KCNH5: variants seen among roughly 807,000 people sequenced by gnomAD.
The protein encoded by KCNH5 is potassium voltage-gated channel subfamily H member 5, also known as voltage-gated delayed rectifier potassium channel KCNH5.
In KCNH5, 46 loss-of-function variants were observed where a neutral mutation model predicts 96.1. The observed-to-expected ratio is 0.48, with a 90% confidence interval of 0.38 to 0.61. The LOEUF is 0.61. KCNH5 is among the 20% of genes least tolerant of loss of function. KCNH5 has a pLI of 0.00. For missense variants in KCNH5, 907 were observed against 1,225.8 expected (o/e 0.74, Z 3.88); for synonymous variants, 439 against 449.8 (o/e 0.98, Z 0.30).
intron 1 of KCNH5, among the ~76,000 whole-genome samples, chr14:63,027,369 A>T (rs972376857): frequency 6.6e-6 from 1 of 151,886 alleles, no homozygotes; most frequent in African/African-American, 2.4e-5. Flanking sequence ...AAAAGTGACA[A>T]GTGAGGTAAT....
At chr14:62,978,656 A>C (rs889897953) in intron 6 of KCNH5, among the ~76,000 whole-genome samples, 3 of 151,720 alleles carry the variant, frequency 2.0e-5, no homozygotes, top group African/African-American at 7.2e-5. Flanking sequence ...AATATGAGCT[A>C]AGTTGAGAGA....
intron 10 of KCNH5, among the ~76,000 whole-genome samples, chr14:62,727,301 G>A (rs1184725315): frequency 6.6e-6 from 1 of 152,066 alleles, no homozygotes; most frequent in Non-Finnish European, 1.5e-5. Context: ...GGACGTGGGG[G>A]TGACAGTGAG....
intron 4 of KCNH5, among the ~76,000 whole-genome samples, chr14:62,999,525 A>G (rs1342034610): frequency 6.6e-6 from 1 of 152,010 alleles, no homozygotes; most frequent in Non-Finnish European, 1.5e-5. Context: ...ATGGAATACT[A>G]TGCAGCCATA....
At chr14:62,961,230 T>C (rs1206335511) in intron 6 of KCNH5, among the ~76,000 whole-genome samples, 5 of 152,146 alleles carry the variant, frequency 3.3e-5, no homozygotes, top group African/African-American at 1.2e-4. Flanking sequence ...GCCTACCTCT[T>C]CAGACTCACC....
At chr14:62,958,755 T>G (rs1300471522) in intron 6 of KCNH5, among the ~76,000 whole-genome samples, 1 of 152,152 alleles carries the variant, frequency 6.6e-6, no homozygotes, top group Non-Finnish European at 1.5e-5. Context: ...TCTTCACAAC[T>G]GTATTATGAA....
chr14:62,895,479 C>T (rs752474974), intron 7 of KCNH5, among the ~76,000 whole-genome samples: 6 of 151,936 alleles, frequency 3.9e-5, no homozygotes, highest in African/African-American at 7.3e-5. Flanking sequence ...TACAGGTATG[C>T]GCCACCACAC....
intron 7 of KCNH5, among the ~76,000 whole-genome samples, chr14:62,875,606 A>G (rs1053368898): frequency 6.6e-6 from 1 of 152,244 alleles, no homozygotes; most frequent in African/African-American, 2.4e-5. Context: ...AATATAAATT[A>G]GTTCAACCAT....
intron 7 of KCNH5, among the ~76,000 whole-genome samples, chr14:62,935,505 A>C (rs1187036229): frequency 6.6e-6 from 1 of 152,220 alleles, no homozygotes; most frequent in African/African-American, 2.4e-5. Context: ...TCATGGCAGT[A>C]AACGAGGGAA....
At position 62,791,785 on chromosome 14, in the gene KCNH5, T is replaced by C. The variant is rs1258715826; in HGVS notation, c.1822+10544A>G. ...TCAAAATATATAAAGCAAGTGTTAA[T>C]GGACTTGATGGAAAAAATGCATAGA... On this transcript the variant is annotated intron_variant, in intron 9 of 10. Transcript: ENST00000322893. 4.6e-5 allele frequency among the ~76,000 whole-genome samples: 7 copies of C among 151,760 alleles called. No homozygotes were observed. The East Asian group carries it at 1.4e-3, about 29-fold the overall frequency.
intron 7 of KCNH5, among the ~76,000 whole-genome samples, chr14:62,925,992 C>A (rs1422958574): frequency 6.6e-6 from 1 of 152,018 alleles, no homozygotes; most frequent in African/African-American, 2.4e-5. Context: ...TAGACTTGCA[C>A]AAGCTTTAAG....
At chr14:62,908,018 T>C (rs1889062959) in intron 7 of KCNH5, among the ~76,000 whole-genome samples, 1 of 152,222 alleles carries the variant, frequency 6.6e-6, no homozygotes, top group Non-Finnish European at 1.5e-5. Context: ...ATTATGAATC[T>C]ATCCACAAAG....
rs186182122 is a variant in KCNH5 at position 62,887,398 on chromosome 14, T to G, written c.1370-37546A>C. On this transcript the variant is annotated intron_variant, in intron 7 of 10. Transcript: ENST00000322893. ...GTTATGTAGCTCATGCAATTCAATG[T>G]CAGTATTTGAAGGCTATATGATGAA... Among the ~76,000 whole-genome samples, 4 of 152,306 alleles carry G rather than the reference T, an allele frequency of 2.6e-5. No homozygotes were observed. The East Asian group carries it at 7.7e-4, about 29-fold the overall frequency.
intron 9 of KCNH5, among the ~76,000 whole-genome samples, chr14:62,791,984 T>C (rs1886444679): frequency 6.6e-6 from 1 of 151,544 alleles, no homozygotes; most frequent in Non-Finnish European, 1.5e-5. Context: ...TATAATTACA[T>C]AGGCCCAAAA....
At chr14:62,908,466 T>C (rs1889073641) in intron 7 of KCNH5, among the ~76,000 whole-genome samples, 2 of 152,140 alleles carry the variant, frequency 1.3e-5, no homozygotes, top group Admixed American at 6.5e-5. Context: ...CCACCCCAAA[T>C]TCCTAGAAAT....
chr14:62,803,744 C>T (rs1377769092), intron 8 of KCNH5, among the ~76,000 whole-genome samples: 9 of 152,116 alleles, frequency 5.9e-5, no homozygotes, highest in Non-Finnish European at 1.5e-5. Context: ...ATCAGAACAT[C>T]GTGGAGCAAG....
At chr14:62,843,410 C>CTTTT (rs570775868) in intron 8 of KCNH5, among the ~76,000 whole-genome samples, 13 of 111,962 alleles carry the variant, frequency 1.2e-4, no homozygotes, top group East Asian at 2.5e-4. Context: ...ATTTACATGG[C>CTTTT]TTTTTTTTTT....
At chr14:62,936,927 G>C (rs1889694159) in intron 7 of KCNH5, among the ~76,000 whole-genome samples, 1 of 143,102 alleles carries the variant, frequency 7.0e-6, no homozygotes, top group African/African-American at 2.6e-5. Flanking sequence ...GTTGGGGTGA[G>C]TGGAGATCAC....
intron 7 of KCNH5, among the ~76,000 whole-genome samples, chr14:62,875,926 T>C (rs181404577): frequency 6.6e-5 from 10 of 152,326 alleles, no homozygotes; most frequent in Non-Finnish European, 1.5e-4. Context: ...CCCAGCACTT[T>C]GGGAGGCCGA....
chr14:62,910,145 T>TACACACAC (rs111386925), intron 7 of KCNH5, among the ~76,000 whole-genome samples: 1 of 143,948 alleles, frequency 6.9e-6, no homozygotes, highest in African/African-American at 2.5e-5. Context: ...ACTAACATGT[T>TACACACAC]ACACACACAC....
Sources: allele counts gnomAD v4.1 joint callset (sites outside exome capture counted in the v4.1 genomes callset), GRCh38; gene constraint gnomAD v4.1.1; transcripts MANE v1.5; gene names NCBI Gene and HGNC (gene_info 2026-07-23, HGNC 2026-07-21).